The following CRLS1 variants were observed in gnomAD, a reference collection of about 807,000 sequenced individuals.
CRLS1 encodes cardiolipin synthase 1, also known as cardiolipin synthase (CMP-forming).
Under a neutral mutation model 37.0 loss-of-function variants are expected in CRLS1, and 24 were observed. The observed-to-expected ratio is 0.65, with a 90% CI of 0.47 to 0.91. The LOEUF is 0.91. CRLS1 is among the 40% of genes least tolerant of loss of function. The pLI is 0.00. For synonymous variants in CRLS1, 135 were observed against 159.7 expected, an observed-to-expected ratio of 0.85 and a Z score of 1.17; for missense variants, 373 against 395.8, an observed-to-expected ratio of 0.94 and a Z score of 0.49.
chr20:6,022,404 T>C (rs1470624858), intron 3 of CRLS1, among the ~76,000 whole-genome samples: 1 of 148,994 alleles, frequency 6.7e-6, no homozygotes, highest in East Asian at 2.0e-4. Flanking sequence ...AGTGGTGTGA[T>C]CTCGGCTCAC....
At chr20:6,015,613 T>C in intron 3 of CRLS1, 123 bp downstream of exon 3, 1 of 950,272 alleles carries the variant, frequency 1.1e-6, no homozygotes, top group South Asian at 1.4e-5. Context: ...TTTAAACTGT[T>C]TCCCTAATTT....
In CRLS1 at chr20:6,006,196, C is replaced by T; in HGVS notation, c.-51C>T. On this transcript the variant is annotated 5_prime_UTR_variant, in exon 1 of 7. Transcript: ENST00000378863. ...ATGGAGAAGCGGCTCGCCAGTGTCC[C>T]AGGCTGCTGAGCTCTCGCCGCCCGA... The T allele has an allele frequency of 9.1e-7, 1 of 1,100,834 alleles. No individual in the cohort carries two copies. The highest frequency in any genetic ancestry group is 4.5e-5 in the South Asian group (1 of 22,008). 68.2% of individuals were successfully genotyped at this position (1,100,834 alleles called of 1,614,324 possible). A position where few individuals can be genotyped will look rare whatever the true frequency, so the allele number is the denominator to read the frequency against.
chr20:6,031,893 AATGT>A, intron 4 of CRLS1, 115 bp from the exon 5 acceptor site: 2 of 709,072 alleles, frequency 2.8e-6, no homozygotes, highest in South Asian at 3.9e-5. Context: ...GTATATATTG[AATGT>A]ATGATTTATA....
chr20:6,013,769 TTG>T (rs1349530482), intron 2 of CRLS1, among the ~76,000 whole-genome samples: 18 of 152,146 alleles, frequency 1.2e-4, no homozygotes, highest in African/African-American at 4.3e-4. Flanking sequence ...GTCTTCCCAT[TTG>T]TGTGTTTTCC....
At chr20:6,015,189 G>A (rs1306063914) in intron 2 of CRLS1, among the ~76,000 whole-genome samples, 172 bp from the exon 3 acceptor site, 3 of 152,130 alleles carry the variant, frequency 2.0e-5, no homozygotes, top group Non-Finnish European at 4.4e-5. Context: ...TAATTTAAAA[G>A]CGAAATGTAT....
chr20:6,013,613 A>T (rs1978509633), intron 2 of CRLS1, among the ~76,000 whole-genome samples: 1 of 152,058 alleles, frequency 6.6e-6, no homozygotes, highest in Non-Finnish European at 1.5e-5. Flanking sequence ...AGCGAGAGGG[A>T]TGGAGTTAGG....
chr20:6,018,857 G>A (rs1196225031), intron 3 of CRLS1, among the ~76,000 whole-genome samples: 2 of 152,108 alleles, frequency 1.3e-5, no homozygotes, highest in African/African-American at 4.8e-5. Flanking sequence ...TGCAATATTA[G>A]TTCTAATGTT....
intron 3 of CRLS1, among the ~76,000 whole-genome samples, chr20:6,027,860 G>C (rs1019190231): frequency 6.6e-6 from 1 of 152,218 alleles, no homozygotes; most frequent in South Asian, 2.1e-4. Flanking sequence ...GAACGCTTGG[G>C]GCGGGGATCT....
At chr20:6,036,260 A>G (rs909051883) in intron 6 of CRLS1, among the ~76,000 whole-genome samples, 4 of 152,220 alleles carry the variant, frequency 2.6e-5, no homozygotes, top group Non-Finnish European at 4.4e-5. Flanking sequence ...AGAAATAGCA[A>G]TTTTTCTAAC....
chr20:6,036,480 G>A (rs2047116366), intron 6 of CRLS1, among the ~76,000 whole-genome samples: 1 of 152,102 alleles, frequency 6.6e-6, no homozygotes, highest in African/African-American at 2.4e-5. Flanking sequence ...AGGGTAGTTT[G>A]GTAAAGAAAG....
intron 2 of CRLS1, among the ~76,000 whole-genome samples, chr20:6,013,555 C>G (rs1445849638): frequency 1.3e-5 from 2 of 152,004 alleles, no homozygotes; most frequent in Non-Finnish European, 2.9e-5. Context: ...TGAGGATGGG[C>G]TGACTACGGT....
rs1267329370 is a variant in CRLS1 at position 6,037,873 on chromosome 20, C to T, written c.*715C>T. ...TTTGCATCTAAAAGGCAGTGAGTTA[C>T]GTTCCTGCCTTCCACTGTGTTTCTG... is the stretch of plus-strand genomic sequence containing the variant. On this transcript the variant is annotated 3_prime_UTR_variant, in exon 7 of 7. Transcript: ENST00000378863. 3 of 152,190 alleles carry T rather than the reference C, an allele frequency of 2.0e-5. No individual in the cohort carries two copies. The highest frequency in any genetic ancestry group is 2.9e-5 in the Non-Finnish European group (2 of 68,042). The allele number at this position is 152,190 out of a possible 1,614,324, so 9.4% of individuals were successfully genotyped here.
At chr20:6,035,908 G>A (rs569084065) in intron 6 of CRLS1, among the ~76,000 whole-genome samples, 3 of 152,136 alleles carry the variant, frequency 2.0e-5, no homozygotes, top group Admixed American at 1.3e-4. Flanking sequence ...GGGTTCAAGC[G>A]ATTCTCCTGC....
At chr20:6,011,299 CTT>C (rs989202222) in intron 2 of CRLS1, among the ~76,000 whole-genome samples, 57 of 152,142 alleles carry the variant, frequency 3.7e-4, no homozygotes, top group Middle Eastern at 3.4e-3. Context: ...TGCCGTCTTT[CTT>C]TGTAACATCA....
At chr20:6,032,374 T>G (rs1980231933) in intron 5 of CRLS1, among the ~76,000 whole-genome samples, 1 of 151,810 alleles carries the variant, frequency 6.6e-6, no homozygotes, top group Non-Finnish European at 1.5e-5. Context: ...TTTTTTTTTT[T>G]TTTTTTTTGA....
chr20:6,007,125 A>C, intron 1 of CRLS1: 1 of 748,980 alleles, frequency 1.3e-6, no homozygotes. Flanking sequence ...ACCTGTTGAT[A>C]TGCTACCCAG....
intron 1 of CRLS1, 129 bp from the exon 2 acceptor site, chr20:6,009,646 T>C (rs2090106038): frequency 1.5e-6 from 1 of 656,496 alleles, no homozygotes; most frequent in Admixed American, 3.3e-5. Context: ...CAATTTAATG[T>C]ACTAAATTTA....
At chr20:6,013,527 G>A (rs896658400) in intron 2 of CRLS1, among the ~76,000 whole-genome samples, 3 of 152,122 alleles carry the variant, frequency 2.0e-5, no homozygotes, top group Non-Finnish European at 2.9e-5. Flanking sequence ...GTAGGTGGGG[G>A]ATTTGATGAT....
At chr20:6,030,608 C>T (rs1980092017) in intron 3 of CRLS1, among the ~76,000 whole-genome samples, 1 of 148,952 alleles carries the variant, frequency 6.7e-6, no homozygotes, top group Admixed American at 6.7e-5. Flanking sequence ...CTCCCAGCTA[C>T]TTGGGAGGGT....
Sources: allele counts gnomAD v4.1 joint callset (sites outside exome capture counted in the v4.1 genomes callset), GRCh38; gene constraint gnomAD v4.1.1; transcripts MANE v1.5; gene names NCBI Gene and HGNC (gene_info 2026-07-23, HGNC 2026-07-21).